Variants in CENPC observed in about 807,000 individuals in gnomAD.
The protein encoded by CENPC is centromere protein C.
A neutral mutation model predicts 112.1 loss-of-function variants in CENPC; 63 were observed. The ratio of observed to expected loss-of-function variants is 0.56; its 90% CI spans 0.46 to 0.69. The LOEUF (loss-of-function observed/expected upper bound fraction) is 0.69, where lower values mean the gene tolerates loss of function less well. CENPC is among the 30% of genes least tolerant of loss of function. The pLI is 0.00. For missense variants in CENPC, 1,000 were observed against 1,103.8 expected, an observed-to-expected ratio of 0.91 and a Z score of 1.33; for synonymous variants, 333 against 367.6, an observed-to-expected ratio of 0.91 and a Z score of 1.08.
intron 4 of CENPC, among the ~76,000 whole-genome samples, chr4:67,538,634 T>G (rs543641976): frequency 2.0e-5 from 3 of 152,192 alleles, no homozygotes; most frequent in Non-Finnish European, 4.4e-5. Context: ...GACGGTTACA[T>G]AGAGAAAACT....
chr4:67,484,631 G>C lies in CENPC; in HGVS notation c.2670+5336C>G, dbSNP rs543503083. On this transcript the variant is annotated intron_variant, in intron 17 of 18. Transcript: ENST00000273853. ...ACTCCCACTGCCACCACCAATTTTT[G>C]TGGAAGAAAAATTGTCTTTCACAAA... Among the ~76,000 whole-genome samples, 3 of 152,284 alleles carry C rather than the reference G, an allele frequency of 2.0e-5. No individual in the cohort carries two copies. The East Asian group carries it at 5.8e-4, about 29-fold the overall frequency.
intron 17 of CENPC, among the ~76,000 whole-genome samples, chr4:67,478,605 G>C (rs1724869547): frequency 6.9e-6 from 1 of 145,852 alleles, no homozygotes; most frequent in South Asian, 2.2e-4. Flanking sequence ...CCTCCTTAAA[G>C]GATAAATCTC....
intron 13 of CENPC, among the ~76,000 whole-genome samples, chr4:67,494,306 T>A (rs1289213121): frequency 6.6e-6 from 1 of 152,220 alleles, no homozygotes; most frequent in South Asian, 2.1e-4. Flanking sequence ...CAAATTCCCA[T>A]GTTCTTACCT....
chr4:67,508,750 A>T, intron 10 of CENPC, 64 bp downstream of exon 10: 1 of 1,477,510 alleles, frequency 6.8e-7, no homozygotes, highest in Non-Finnish European at 9.2e-7. Flanking sequence ...AAATGACTAA[A>T]TAGCACAAAT....
intron 12 of CENPC, among the ~76,000 whole-genome samples, chr4:67,502,075 A>T (rs1230805423): frequency 6.6e-6 from 1 of 152,188 alleles, no homozygotes; most frequent in Non-Finnish European, 1.5e-5. Context: ...ATTTCTATTC[A>T]TAAGCATTAA....
At chr4:67,504,437 C>T (rs1393567857) in intron 12 of CENPC, among the ~76,000 whole-genome samples, 1 of 151,926 alleles carries the variant, frequency 6.6e-6, no homozygotes, top group Non-Finnish European at 1.5e-5. Context: ...AAAAGTATAA[C>T]AGATTACAAT....
chr4:67,496,740 G>C (rs1420485297), intron 12 of CENPC, among the ~76,000 whole-genome samples: 1 of 152,242 alleles, frequency 6.6e-6, no homozygotes, highest in East Asian at 1.9e-4. Context: ...GGCTACTAAA[G>C]GGTAAAGGGG....
At chr4:67,512,196 C>T (rs1725909977) in intron 9 of CENPC, 2 of 404,346 alleles carry the variant, frequency 4.9e-6, no homozygotes, top group African/African-American at 4.2e-5. Flanking sequence ...GTTTTGTTTT[C>T]CCACAGCTAT....
rs1457465612 is a variant in CENPC, at chr4:67,490,133, A to G, written c.2516-12T>C. ...TGGCCTTACAAGATCTAGGAGTAAAACAGTAATACAAATATAAAACAACAG... is the reference window on the plus strand; with the variant it reads ...TGGCCTTACAAGATCTAGGAGTAAAGCAGTAATACAAATATAAAACAACAG... On this transcript the variant is annotated splice_polypyrimidine_tract_variant and intron_variant, in intron 16 of 18. Transcript: ENST00000273853. The G allele has an allele frequency of 6.4e-7, 1 of 1,569,014 alleles. No individual in the cohort carries two copies. Among genetic ancestry groups the G allele is most frequent in the Non-Finnish European group, 8.7e-7 (1 of 1,154,418 alleles).
At position 67,529,760 on chromosome 4, in the gene CENPC, G is replaced by A. The variant is rs530367624; in HGVS notation, c.331+1055C>T. ...TAGTTAGAATTCCAAAAGTTTATTT[G>A]GAATTGGATAAAACTAAAAGCTCAT... On this transcript the variant is annotated intron_variant, in intron 5 of 18. Coordinates refer to ENST00000273853, the MANE Select transcript of CENPC (RefSeq NM_001812.4). 1.4e-3 allele frequency among the ~76,000 whole-genome samples: 210 copies of A among 152,232 alleles called. 2 individuals are homozygous for A. The highest frequency in any genetic ancestry group is 4.9e-3 in the African/African-American group (204 of 41,546).
chr4:67,471,692 GT>G lies in CENPC; in HGVS notation c.*912del, dbSNP rs1724664027. The G allele has an allele frequency of 6.6e-6, 1 of 152,134 alleles. No homozygotes were observed. Among genetic ancestry groups the G allele is most frequent in the Admixed American group, 6.5e-5 (1 of 15,268 alleles). 9.4% of individuals were successfully genotyped at this position (152,134 alleles called of 1,614,324 possible). On this transcript the variant is annotated 3_prime_UTR_variant, in exon 19 of 19. Transcript: ENST00000273853. ...TGGTTAAATAAGACCTGAAAAGGGAGTTGGCCTAAAAATATTTTTACCGTAA... is the reference window on the plus strand; with the variant it reads ...TGGTTAAATAAGACCTGAAAAGGGAGTGGCCTAAAAATATTTTTACCGTAA...
At chr4:67,490,574 T>G (rs370660076) in intron 16 of CENPC, among the ~76,000 whole-genome samples, 4 of 152,010 alleles carry the variant, frequency 2.6e-5, no homozygotes, top group African/African-American at 9.6e-5. Flanking sequence ...TTTTAAAGTT[T>G]AACATAAACC....
intron 1 of CENPC, among the ~76,000 whole-genome samples, chr4:67,545,024 G>C (rs186631342): frequency 3.9e-4 from 59 of 152,016 alleles, no homozygotes; most frequent in Admixed American, 8.5e-4. Flanking sequence ...TCCAGCCTGG[G>C]GGACAGAGCA....
Position 67,514,185 on chromosome 4 carries a change from G to A in CENPC, c.1333C>T (p.His445Tyr). The A allele has an allele frequency of 1.2e-6, 2 of 1,612,768 alleles. No individual in the cohort carries two copies. Among genetic ancestry groups the A allele is most frequent in the African/African-American group, 2.7e-5 (2 of 75,006 alleles). ...DVGQSKDENI[H>Y]TSHITQDEFQ... Reference sequence around the variant, plus strand: ...TCGTCTTGGGTAATATGTGATGTATGTATGTTTTCATCTTTAGACTGTCCC... The same window carrying A: ...TCGTCTTGGGTAATATGTGATGTATATATGTTTTCATCTTTAGACTGTCCC... The change falls in exon 8 of 19, where the codon CAT (histidine) becomes TAT (tyrosine). Residue 445 changes from histidine to tyrosine, a missense_variant. Transcript: ENST00000273853.
At chr4:67,507,664 ACATT>A (rs1219164986) in intron 10 of CENPC, among the ~76,000 whole-genome samples, 1 of 152,110 alleles carries the variant, frequency 6.6e-6, no homozygotes, top group Non-Finnish European at 1.5e-5. Context: ...CTTTTACCAA[ACATT>A]CAAAGAGAAT....
chr4:67,483,359 GAA>G (rs60562461), intron 17 of CENPC, among the ~76,000 whole-genome samples: 7 of 149,838 alleles, frequency 4.7e-5, no homozygotes, highest in Admixed American at 1.3e-4. Flanking sequence ...CTCAATGAAA[GAA>G]AAAAAAAAAT....
chr4:67,531,264 A>G (rs1726540362), intron 4 of CENPC, among the ~76,000 whole-genome samples: 1 of 152,172 alleles, frequency 6.6e-6, no homozygotes, highest in South Asian at 2.1e-4. Flanking sequence ...ACAATAATAT[A>G]AATTATTATT....
At chr4:67,523,089 A>G (rs1172077721) in intron 5 of CENPC, among the ~76,000 whole-genome samples, 4 of 152,122 alleles carry the variant, frequency 2.6e-5, no homozygotes, top group African/African-American at 9.7e-5. Context: ...AGGCAGGCGG[A>G]TAACTTGAGG....
At chr4:67,495,057 T>A in intron 13 of CENPC, 102 bp downstream of exon 13, 1 of 1,125,590 alleles carries the variant, frequency 8.9e-7, no homozygotes, top group Non-Finnish European at 1.2e-6. Context: ...TTAATCCACA[T>A]AATCGTATTT....
Sources: gnomAD v4.1 joint callset for allele counts (sites outside exome capture counted in the v4.1 genomes callset) on GRCh38, gnomAD v4.1.1 for gene constraint, MANE v1.5 for transcripts, NCBI Gene and HGNC (gene_info 2026-07-23, HGNC 2026-07-21) for gene names.